USP26: variants seen among roughly 807,000 people sequenced by gnomAD.
USP26 encodes ubiquitin carboxyl-terminal hydrolase 26.
For synonymous variants in USP26, 236 were observed against 240.6 expected (o/e 0.98, Z 0.18); for missense variants, 649 against 642.3 (o/e 1.01, Z -0.11).
intron 5 of USP26, among the ~76,000 whole-genome samples, chrX:133,058,116 C>T (rs1384411903): frequency 3.8e-5 from 4 of 105,001 alleles, no homozygotes; most frequent in African/African-American, 1.4e-4. Context: ...CTCCTGACCT[C>T]TTGATCCACC....
At chrX:133,078,249 C>A (rs1003425996) in intron 5 of USP26, among the ~76,000 whole-genome samples, 2 of 111,549 alleles carry the variant, frequency 1.8e-5, no homozygotes, top group Admixed American at 9.6e-5. Flanking sequence ...TATTTGCCTG[C>A]AGAACTCTGA....
At chrX:133,033,173 C>G (rs1206999949) in intron 5 of USP26, among the ~76,000 whole-genome samples, 1 of 111,674 alleles carries the variant, frequency 9.0e-6, no homozygotes, top group Non-Finnish European at 1.9e-5. Flanking sequence ...AAGAGACACA[C>G]TGCCTCTAGA....
chrX:133,095,101 AAAAAAAAAAAG>A (rs1281716006), intron 1 of USP26, among the ~76,000 whole-genome samples: 15 of 103,364 alleles, frequency 1.5e-4, no homozygotes, highest in African/African-American at 5.7e-4. Flanking sequence ...GTCAAAAAAA[AAAAAAAAAAAG>A]AAAGAAAGAA....
chrX:133,047,019 G>T (rs112043854), intron 5 of USP26, among the ~76,000 whole-genome samples: 3,861 of 111,955 alleles, frequency 0.034, 99 homozygotes, highest in East Asian at 0.098. Context: ...AAGAAAACAT[G>T]CTACTTAGCT....
intron 5 of USP26, among the ~76,000 whole-genome samples, chrX:133,063,530 C>T (rs752343916): frequency 1.8e-5 from 2 of 111,745 alleles, no homozygotes; most frequent in Non-Finnish European, 1.9e-5. Context: ...CAGTGGATCT[C>T]TCTGCAAAAA....
rs568850059 is a variant in USP26 at position 133,062,248 on chromosome X, G to A, written c.-77+21459C>T. 3.8e-4 allele frequency among the ~76,000 whole-genome samples: 42 copies of A among 111,536 alleles called. No homozygotes were observed. The South Asian group carries it at 0.011, about 30-fold the overall frequency. On this transcript the variant is annotated intron_variant, in intron 5 of 5. Transcript: ENST00000511190. ...AAGAATGGCAGCAGCCCCAGTCAGC[G>A]GCTTATAGATAAAACTCCCATCTCC...
intron 5 of USP26, among the ~76,000 whole-genome samples, chrX:133,056,741 G>A (rs984269990): frequency 2.7e-5 from 3 of 111,333 alleles, no homozygotes; most frequent in Non-Finnish European, 3.8e-5. Context: ...TACTACCAAC[G>A]GCCCATTTCC....
At chrX:133,075,708 G>A (rs1200284364) in intron 5 of USP26, among the ~76,000 whole-genome samples, 3 of 111,806 alleles carry the variant, frequency 2.7e-5, no homozygotes, top group African/African-American at 9.7e-5. Flanking sequence ...AAATATGTCA[G>A]ACAGGTTGTC....
chrX:133,093,161 C>T (rs1259970498), intron 1 of USP26, among the ~76,000 whole-genome samples: 1 of 110,767 alleles, frequency 9.0e-6, no homozygotes, highest in Non-Finnish European at 1.9e-5. Context: ...GTGTGCACAT[C>T]CCAGCTACCA....
intron 5 of USP26, among the ~76,000 whole-genome samples, chrX:133,066,303 G>A (rs1300821297): frequency 2.7e-5 from 3 of 111,472 alleles, no homozygotes; most frequent in Admixed American, 9.5e-5. Flanking sequence ...ACCACCCAAA[G>A]TAATTTATAA....
At chrX:133,059,883 C>T (rs777165624) in intron 5 of USP26, among the ~76,000 whole-genome samples, 10 of 111,976 alleles carry the variant, frequency 8.9e-5, no homozygotes, top group Admixed American at 1.9e-4. Flanking sequence ...CTCAGACTTA[C>T]GATACAAGAA....
chrX:133,082,993 T>C (rs1179585523), intron 5 of USP26, among the ~76,000 whole-genome samples: 1 of 111,525 alleles, frequency 9.0e-6, no homozygotes, highest in Non-Finnish European at 1.9e-5. Flanking sequence ...GCAATATTTA[T>C]GTCATTAAGA....
At chrX:133,088,403 G>A (rs1183880617) in intron 4 of USP26, among the ~76,000 whole-genome samples, 2 of 111,480 alleles carry the variant, frequency 1.8e-5, no homozygotes, top group Non-Finnish European at 3.8e-5. Context: ...GTTTACAATA[G>A]GGTTCATGCT....
At chrX:133,095,570 C>G (rs1205069586) in intron 1 of USP26, among the ~76,000 whole-genome samples, 2 of 111,913 alleles carry the variant, frequency 1.8e-5, no homozygotes, top group Non-Finnish European at 3.8e-5. Context: ...TGTACAAAAC[C>G]TTTCATAAGA....
chrX:133,080,774 G>T (rs762603729), intron 5 of USP26, among the ~76,000 whole-genome samples: 1 of 111,448 alleles, frequency 9.0e-6, no homozygotes, highest in East Asian at 2.8e-4. Context: ...ATGGGCATTG[G>T]TATCTGCTTC....
chrX:133,072,358 T>C (rs191215892), intron 5 of USP26, among the ~76,000 whole-genome samples: 46 of 112,143 alleles, frequency 4.1e-4, no homozygotes, highest in African/African-American at 1.5e-3. Context: ...TGAGGAAAAG[T>C]ATTACCCACA....
chrX:133,078,672 A>G (rs915354083), intron 5 of USP26, among the ~76,000 whole-genome samples: 1 of 112,458 alleles, frequency 8.9e-6, no homozygotes, highest in African/African-American at 3.2e-5. Flanking sequence ...TACCACAACC[A>G]TTCATAAAGT....
chrX:133,089,748 C>A (rs2067600986), intron 4 of USP26, among the ~76,000 whole-genome samples: 1 of 111,989 alleles, frequency 8.9e-6, no homozygotes, highest in Non-Finnish European at 1.9e-5. Context: ...TTGATTCTTA[C>A]AACATTCTGA....
rs1411431673 is a variant in USP26 at position 133,023,778 on chromosome X, T to A, written c.*1701A>T. 8.9e-6 allele frequency among the ~76,000 whole-genome samples: 1 copy of A among 112,099 alleles called. No homozygotes were observed. The highest frequency in any genetic ancestry group is 1.9e-5 in the Non-Finnish European group (1 of 53,208). On this transcript the variant is annotated 3_prime_UTR_variant, in exon 6 of 6. Transcript: ENST00000511190. ...TTTCCTCTTACAGGGTATTACCTACTAATAACTTCCCCACATCACTAAAAT... is the reference window on the plus strand; with the variant it reads ...TTTCCTCTTACAGGGTATTACCTACAAATAACTTCCCCACATCACTAAAAT...
Sources: allele counts gnomAD v4.1 joint callset (sites outside exome capture counted in the v4.1 genomes callset), GRCh38; gene constraint gnomAD v4.1.1; transcripts MANE v1.5; gene names NCBI Gene and HGNC (gene_info 2026-07-23, HGNC 2026-07-21).